The following DPP10 variants were observed in gnomAD, a reference collection of about 807,000 sequenced individuals.
DPP10 encodes the protein dipeptidyl peptidase like 10.
A neutral mutation model predicts 120.9 loss-of-function variants in DPP10; 33 were observed. The ratio of observed to expected loss-of-function variants is 0.27; its 90% CI spans 0.21 to 0.37. DPP10 has a LOEUF of 0.37. Among genes scored for constraint, DPP10 ranks in the 10% least tolerant of loss-of-function variants. The pLI is 1.00. For synonymous variants in DPP10, 337 were observed against 326.1 expected, an observed-to-expected ratio of 1.03 and a Z score of -0.36; for missense variants, 816 against 942.8, an observed-to-expected ratio of 0.87 and a Z score of 1.76.
At chr2:115,101,371 T>A (rs1049619125) in intron 1 of DPP10, among the ~76,000 whole-genome samples, 4 of 152,172 alleles carry the variant, frequency 2.6e-5, no homozygotes, top group African/African-American at 9.7e-5. Flanking sequence ...GCTTTTGGTA[T>A]ATAGTATAAT....
At chr2:115,410,692 TAA>T (rs1365248839) in intron 3 of DPP10, among the ~76,000 whole-genome samples, 1 of 152,192 alleles carries the variant, frequency 6.6e-6, no homozygotes, top group Non-Finnish European at 1.5e-5. Context: ...AGGTGAGGGA[TAA>T]AAGACTACAC....
At chr2:114,548,608 G>A (rs1239228005) in intron 1 of DPP10, among the ~76,000 whole-genome samples, 1 of 152,188 alleles carries the variant, frequency 6.6e-6, no homozygotes, top group Non-Finnish European at 1.5e-5. Context: ...CTAGGTTGGT[G>A]GGTCTCTGAA....
intron 9 of DPP10, 129 bp from the exon 10 acceptor site, chr2:115,745,957 A>G: frequency 1.6e-6 from 1 of 622,782 alleles, no homozygotes; most frequent in Non-Finnish European, 2.7e-6. Context: ...AATCATTTCT[A>G]CTTCAGAGAA....
At chr2:114,572,580 C>T (rs372022680) in intron 1 of DPP10, among the ~76,000 whole-genome samples, 13 of 152,128 alleles carry the variant, frequency 8.5e-5, no homozygotes, top group Admixed American at 2.0e-4. Context: ...GTCCAGCTCC[C>T]GTGACATGTG....
intron 5 of DPP10, among the ~76,000 whole-genome samples, chr2:115,633,876 T>A (rs2086100328): frequency 6.6e-6 from 1 of 152,194 alleles, no homozygotes; most frequent in African/African-American, 2.4e-5. Context: ...CTGACGTATG[T>A]TTTACAACTT....
rs567728828 is a variant in DPP10 at position 114,537,626 on chromosome 2, G to T, written c.60+94788G>T. Among the ~76,000 whole-genome samples the T allele has an allele frequency of 3.9e-3, 601 of 152,260 alleles. 2 individuals are homozygous for T. Among genetic ancestry groups the T allele is most frequent in the African/African-American group, 0.014 (581 of 41,536 alleles). ...AATTGTTCTCAAAGGCATCTATGGG[G>T]CAGAGTATGCTTTTCAAAGGACATT... On this transcript the variant is annotated intron_variant, in intron 1 of 25. Transcript: ENST00000410059.
At chr2:115,133,209 C>T (rs575431243) in intron 1 of DPP10, among the ~76,000 whole-genome samples, 1 of 129,178 alleles carries the variant, frequency 7.7e-6, no homozygotes, top group Non-Finnish European at 1.6e-5. Flanking sequence ...GACAGAGTCC[C>T]ATTCTGTCAC....
chr2:115,283,113 A>G (rs1004022854), intron 1 of DPP10, among the ~76,000 whole-genome samples: 1 of 151,826 alleles, frequency 6.6e-6, no homozygotes, highest in African/African-American at 2.4e-5. Flanking sequence ...ACTCTTTTCT[A>G]TTCAAATCTT....
chr2:115,390,845 C>G (rs2067270036), intron 3 of DPP10, among the ~76,000 whole-genome samples: 1 of 152,234 alleles, frequency 6.6e-6, no homozygotes, highest in South Asian at 2.1e-4. Context: ...TAAGAGAGAT[C>G]ACATCACTCT....
intron 7 of DPP10, among the ~76,000 whole-genome samples, chr2:115,705,664 T>A (rs2092074051): frequency 1.3e-5 from 2 of 152,030 alleles, no homozygotes; most frequent in South Asian, 2.1e-4. Context: ...TTTGACATGA[T>A]GAGTGTTTCC....
At chr2:115,086,254 G>C (rs1708684380) in intron 1 of DPP10, among the ~76,000 whole-genome samples, 1 of 152,074 alleles carries the variant, frequency 6.6e-6, no homozygotes, top group South Asian at 2.1e-4. Flanking sequence ...GCCACTATAA[G>C]ATTTCAAAAG....
At chr2:115,596,736 A>T (rs1207788608) in intron 5 of DPP10, among the ~76,000 whole-genome samples, 1 of 152,196 alleles carries the variant, frequency 6.6e-6, no homozygotes, top group South Asian at 2.1e-4. Context: ...GGAAAAAATT[A>T]TGTGAGTAAA....
At chr2:115,105,966 T>C (rs1200514726) in intron 1 of DPP10, among the ~76,000 whole-genome samples, 1 of 152,196 alleles carries the variant, frequency 6.6e-6, no homozygotes, top group East Asian at 1.9e-4. Context: ...TAATTTTTAT[T>C]TTTTAATGTA....
chr2:115,403,381 C>CTTTT lies in DPP10; in HGVS notation c.271+59502_271+59505dup, dbSNP rs78116780. ...TACTTCTCTCTTTCTTTCTTTCCTTCTTTTTTTTTTTTTTTTTTTTTTTTT... is the reference window on the plus strand; with the variant it reads ...TACTTCTCTCTTTCTTTCTTTCCTTCTTTTTTTTTTTTTTTTTTTTTTTTTTTTT... On this transcript the variant is annotated intron_variant, in intron 3 of 25. Coordinates refer to ENST00000410059, the MANE Select transcript of DPP10 (RefSeq NM_020868.6). Among the ~76,000 whole-genome samples the CTTTT allele has an allele frequency of 1.3e-4, 15 of 118,466 alleles. 1 individual carries two copies. Among genetic ancestry groups the CTTTT allele is most frequent in the African/African-American group, 3.9e-4 (11 of 28,196 alleles). The allele number at this position is 118,466 out of a possible 152,430, so 77.7% of individuals were successfully genotyped here.
chr2:114,859,732 T>C (rs932477421), intron 1 of DPP10, among the ~76,000 whole-genome samples: 3 of 152,192 alleles, frequency 2.0e-5, no homozygotes, highest in African/African-American at 7.2e-5. Context: ...ATCTGGGATC[T>C]TTTTCCTCCC....
At chr2:115,123,004 G>A (rs911652288) in intron 1 of DPP10, among the ~76,000 whole-genome samples, 7 of 152,278 alleles carry the variant, frequency 4.6e-5, no homozygotes, top group Non-Finnish European at 1.0e-4. Flanking sequence ...GGGGTTGTAC[G>A]CCCTCAGCCA....
At chr2:114,920,016 A>G (rs918468086) in intron 1 of DPP10, among the ~76,000 whole-genome samples, 1 of 152,156 alleles carries the variant, frequency 6.6e-6, no homozygotes, top group Non-Finnish European at 1.5e-5. Context: ...TTATTTAGTC[A>G]CATAAGTCAC....
intron 1 of DPP10, among the ~76,000 whole-genome samples, chr2:115,062,949 C>T (rs1305202119): frequency 1.3e-5 from 2 of 152,142 alleles, no homozygotes; most frequent in Non-Finnish European, 2.9e-5. Flanking sequence ...GGTTCTAGGT[C>T]TTTGAGGAAA....
At chr2:114,854,952 A>C (rs1465654784) in intron 1 of DPP10, among the ~76,000 whole-genome samples, 1 of 152,218 alleles carries the variant, frequency 6.6e-6, no homozygotes, top group Non-Finnish European at 1.5e-5. Flanking sequence ...GAATTCAGAA[A>C]GATCACAATC....
Sources: gnomAD v4.1 joint callset for allele counts (sites outside exome capture counted in the v4.1 genomes callset) on GRCh38, gnomAD v4.1.1 for gene constraint, MANE v1.5 for transcripts, NCBI Gene and HGNC (gene_info 2026-07-23, HGNC 2026-07-21) for gene names.